DIP2B: variants seen among roughly 807,000 people sequenced by gnomAD.
DIP2B encodes disco-interacting protein 2 homolog B.
Under a neutral mutation model 198.0 loss-of-function variants are expected in DIP2B, and 76 were observed. The observed-to-expected ratio is 0.38, with a 90% CI of 0.32 to 0.46. The LOEUF (loss-of-function observed/expected upper bound fraction) is 0.46. DIP2B is among the 20% of genes least tolerant of loss of function. The pLI is 0.99. For missense variants in DIP2B, 1,559 were observed against 1,978.4 expected (o/e 0.79, Z 4.02); for synonymous variants, 701 against 739.1 (o/e 0.95, Z 0.84).
chr12:50,638,748 A>G (rs1025139705), intron 2 of DIP2B, among the ~76,000 whole-genome samples: 3 of 152,156 alleles, frequency 2.0e-5, no homozygotes, highest in African/African-American at 7.2e-5. Context: ...ATGCTGTTAA[A>G]TAATGTCCTG....
chr12:50,505,435 C>T (rs1175359882), intron 1 of DIP2B, among the ~76,000 whole-genome samples, 195 bp downstream of exon 1: 1 of 152,184 alleles, frequency 6.6e-6, no homozygotes, highest in Non-Finnish European at 1.5e-5. Flanking sequence ...TCATTGTTTT[C>T]CCATGGAGGG....
intron 1 of DIP2B, among the ~76,000 whole-genome samples, chr12:50,522,623 T>C (rs1365257563): frequency 6.6e-6 from 1 of 152,172 alleles, no homozygotes; most frequent in Non-Finnish European, 1.5e-5. Flanking sequence ...TGGCTGGGAA[T>C]TGATTTTTTT....
intron 22 of DIP2B, among the ~76,000 whole-genome samples, chr12:50,713,136 T>C (rs1939649992): frequency 1.3e-5 from 2 of 152,162 alleles, no homozygotes; most frequent in African/African-American, 4.8e-5. Context: ...AATATAGAGA[T>C]GGGGTTTTGC....
chr12:50,519,291 G>A (rs1236484826), intron 1 of DIP2B, among the ~76,000 whole-genome samples: 1 of 151,424 alleles, frequency 6.6e-6, no homozygotes, highest in Non-Finnish European at 1.5e-5. Context: ...TTTAGAGATG[G>A]GGTCTCACTG....
chr12:50,650,967 A>C (rs1342948143), intron 3 of DIP2B, among the ~76,000 whole-genome samples: 1 of 152,138 alleles, frequency 6.6e-6, no homozygotes, highest in African/African-American at 2.4e-5. Context: ...CCTCTTCAAC[A>C]CGTATTTTCT....
At chr12:50,601,174 T>C (rs1958932706) in intron 1 of DIP2B, among the ~76,000 whole-genome samples, 1 of 152,202 alleles carries the variant, frequency 6.6e-6, no homozygotes, top group Non-Finnish European at 1.5e-5. Flanking sequence ...ACATCCCAAG[T>C]GCCTAGACCA....
In DIP2B at chr12:50,745,538, C is replaced by T. The variant is rs1565889528; in HGVS notation, c.*699C>T. 2.0e-5 allele frequency: 3 copies of T among 152,366 alleles called. No homozygotes were observed. Among genetic ancestry groups the T allele is most frequent in the Non-Finnish European group, 4.4e-5 (3 of 68,036 alleles). 9.4% of individuals were successfully genotyped at this position (152,366 alleles called of 1,614,324 possible). On this transcript the variant is annotated 3_prime_UTR_variant, in exon 38 of 38. Transcript: ENST00000301180. ...TGTAATTGATTAGGTAACTAAAAAGCGCAAATTGTTGGCAGGTTTTGCTGC... is the reference window on the plus strand; with the variant it reads ...TGTAATTGATTAGGTAACTAAAAAGTGCAAATTGTTGGCAGGTTTTGCTGC...
At chr12:50,708,858 T>C (rs1939561557) in intron 22 of DIP2B, among the ~76,000 whole-genome samples, 1 of 152,262 alleles carries the variant, frequency 6.6e-6, no homozygotes, top group Admixed American at 6.5e-5. Context: ...AACACATCTC[T>C]GGCAGTAATC....
intron 28 of DIP2B, among the ~76,000 whole-genome samples, chr12:50,726,063 T>C (rs567149682): frequency 1.4e-4 from 22 of 152,190 alleles, no homozygotes; most frequent in Middle Eastern, 3.4e-3. Context: ...AACAGGAAGG[T>C]TTCTTTAGGC....
chr12:50,521,962 ATTTATTTTATTTTTTATTT>A (rs916263328), intron 1 of DIP2B, among the ~76,000 whole-genome samples: 2 of 150,758 alleles, frequency 1.3e-5, no homozygotes, highest in African/African-American at 4.9e-5. Context: ...TTTTTATTTA[ATTTATTTTATTTTTTATTT>A]TTTATTTTAT....
At chr12:50,508,903 TTGG>T (rs1302046771) in intron 1 of DIP2B, among the ~76,000 whole-genome samples, 1 of 152,082 alleles carries the variant, frequency 6.6e-6, no homozygotes, top group East Asian at 1.9e-4. Context: ...TTTCTCCATG[TTGG>T]TCAGGTGGGT....
At chr12:50,582,980 C>T (rs1958738892) in intron 1 of DIP2B, among the ~76,000 whole-genome samples, 1 of 152,024 alleles carries the variant, frequency 6.6e-6, no homozygotes, top group African/African-American at 2.4e-5. Context: ...ATTAGAATTA[C>T]AAAGATGATG....
chr12:50,603,151 G>A (rs1481595828), intron 1 of DIP2B, among the ~76,000 whole-genome samples: 5 of 150,656 alleles, frequency 3.3e-5, no homozygotes, highest in East Asian at 1.9e-4. Flanking sequence ...GCGACAGAGC[G>A]AGACTCTGTC....
intron 2 of DIP2B, chr12:50,633,356 C>A (rs1481061440): frequency 6.6e-6 from 1 of 152,132 alleles, no homozygotes; most frequent in East Asian, 1.9e-4. Context: ...CATGCAAATT[C>A]ATGATGCGTT....
intron 1 of DIP2B, among the ~76,000 whole-genome samples, chr12:50,591,081 C>T (rs1958814705): frequency 6.6e-6 from 1 of 152,152 alleles, no homozygotes; most frequent in Admixed American, 6.5e-5. Context: ...GGGCCCTTAC[C>T]AGACACCAGA....
Position 50,686,649 on chromosome 12 carries a change from C to A in DIP2B, c.1518C>A (p.Ile506=). 6.2e-7 allele frequency: 1 copy of A among 1,614,124 alleles called. No individual in the cohort carries two copies. Among genetic ancestry groups the A allele is most frequent in the African/African-American group, 1.3e-5 (1 of 75,048 alleles). Residue 506 remains isoleucine (I), a synonymous_variant, in exon 12 of 38, where the codon ATC becomes ATA. Coordinates refer to ENST00000301180, the MANE Select transcript of DIP2B (RefSeq NM_173602.3). ...CACCGAAAGACTGGCAGCCACACAT[C>A]TCACCTGCTGGGACAGAACCGGCAT... ...SKPPKDWQPH[I]SPAGTEPAYI... is the part of the protein sequence containing the mutation.
intron 20 of DIP2B, among the ~76,000 whole-genome samples, chr12:50,705,750 G>A (rs533892314): frequency 3.3e-5 from 5 of 152,360 alleles, no homozygotes; most frequent in Admixed American, 1.3e-4. Flanking sequence ...GGTTGAACCA[G>A]TAGCTTGTTG....
At chr12:50,596,582 A>G (rs1315552962) in intron 1 of DIP2B, among the ~76,000 whole-genome samples, 1 of 152,202 alleles carries the variant, frequency 6.6e-6, no homozygotes, top group Non-Finnish European at 1.5e-5. Context: ...GACAGAATTC[A>G]TGGCCAGGTG....
Position 50,675,564 on chromosome 12 carries a change from G to C in DIP2B, c.916+116G>C, listed in dbSNP as rs887232881. On this transcript the variant is annotated intron_variant, in intron 7 of 37. Coordinates refer to ENST00000301180, the MANE Select transcript of DIP2B (RefSeq NM_173602.3). ...AACAAGACACAGTTCTTGGTTCAAA[G>C]AGTTCATCATTTTCTGCTCTTTTTT... 6.9e-6 allele frequency: 7 copies of C among 1,018,094 alleles called. No homozygotes were observed. In the African/African-American group the frequency reaches 1.1e-4, roughly 16 times the overall value. 63.1% of individuals were successfully genotyped at this position (1,018,094 alleles called of 1,614,324 possible). A position where few individuals can be genotyped will look rare whatever the true frequency, so the allele number is the denominator to read the frequency against.
Sources: allele counts gnomAD v4.1 joint callset (sites outside exome capture counted in the v4.1 genomes callset), GRCh38; gene constraint gnomAD v4.1.1; transcripts MANE v1.5; gene names NCBI Gene and HGNC (gene_info 2026-07-23, HGNC 2026-07-21).